Variants in DNAH6 observed in about 807,000 individuals in gnomAD.
DNAH6 encodes the protein dynein axonemal heavy chain 6.
In DNAH6, 340 loss-of-function variants were observed where a neutral mutation model predicts 491.4. The ratio of observed to expected loss-of-function variants is 0.69; its 90% confidence interval spans 0.63 to 0.76. The LOEUF (loss-of-function observed/expected upper bound fraction) is 0.76, where lower values mean the gene tolerates loss of function less well. DNAH6 is among the 30% of genes least tolerant of loss of function. The pLI is 0.00. For synonymous variants in DNAH6, 1,603 were observed against 1,686.1 expected, an observed-to-expected ratio of 0.95 and a Z score of 1.21; for missense variants, 4,443 against 4,972.2, an observed-to-expected ratio of 0.89 and a Z score of 3.20.
At chr2:84,525,809 T>A in intron 3 of DNAH6, 71 bp downstream of exon 3, 1 of 1,126,898 alleles carries the variant, frequency 8.9e-7, no homozygotes, top group Non-Finnish European at 1.3e-6. Context: ...TAGCATACTT[T>A]TAACTCATAA....
At chr2:84,812,835 G>A (rs1680123183) in intron 73 of DNAH6, among the ~76,000 whole-genome samples, 1 of 152,104 alleles carries the variant, frequency 6.6e-6, no homozygotes. Flanking sequence ...CTTTGCTGCT[G>A]TCTCCCTCTC....
chr2:84,660,951 T>C (rs561345556), intron 37 of DNAH6, among the ~76,000 whole-genome samples: 44 of 152,258 alleles, frequency 2.9e-4, no homozygotes, highest in Non-Finnish European at 5.3e-4. Context: ...GATCTTAGAC[T>C]TGGAAAAATA....
chr2:84,525,652 A>C lies in DNAH6; in HGVS notation c.313A>C (p.Lys105Gln), dbSNP rs1424867588. ...TCAGTTAATGACTGCAGGAATCATTAAACGTCCAGTAAGCATAGCAAAAAA... is the reference window on the plus strand; with the variant it reads ...TCAGTTAATGACTGCAGGAATCATTCAACGTCCAGTAAGCATAGCAAAAAA... ...RFQLMTAGIIKRPVSIAKKSF... is the reference protein window; with the variant it reads ...RFQLMTAGIIQRPVSIAKKSF... Residue 105 changes from lysine to glutamine, a missense_variant, in exon 3 of 77, where the codon AAA becomes CAA. Coordinates refer to ENST00000389394, the MANE Select transcript of DNAH6 (RefSeq NM_001370.2). 1 of 1,550,642 alleles carries C rather than the reference A, an allele frequency of 6.4e-7. No homozygotes were observed. The highest frequency in any genetic ancestry group is 2.4e-5 in the East Asian group (1 of 40,856).
intron 45 of DNAH6, among the ~76,000 whole-genome samples, chr2:84,691,878 C>T (rs1282842077): frequency 6.6e-6 from 1 of 152,162 alleles, no homozygotes; most frequent in Non-Finnish European, 1.5e-5. Flanking sequence ...GCCCACAGGC[C>T]ATAGTTTGCT....
At chr2:84,757,635 A>G (rs1674171866) in intron 63 of DNAH6, among the ~76,000 whole-genome samples, 2 of 152,258 alleles carry the variant, frequency 1.3e-5, no homozygotes, top group East Asian at 1.9e-4. Flanking sequence ...AGGAGTTACT[A>G]TGTTATCTTT....
intron 37 of DNAH6, among the ~76,000 whole-genome samples, chr2:84,660,891 A>T (rs1691438116): frequency 6.6e-6 from 1 of 152,172 alleles, no homozygotes; most frequent in East Asian, 1.9e-4. Context: ...TTCTCTGAAT[A>T]AAACAAGACT....
At chr2:84,474,823 C>T in the DNAH6 span, among the ~76,000 whole-genome samples, 1 of 152,214 alleles carries the variant, frequency 6.6e-6, no homozygotes, top group Non-Finnish European at 1.5e-5. Flanking sequence ...ATAATAGAGA[C>T]ATCAGCTCCA....
chr2:84,526,271 C>T (rs1211484636), intron 3 of DNAH6, among the ~76,000 whole-genome samples: 1 of 152,020 alleles, frequency 6.6e-6, no homozygotes, highest in Non-Finnish European at 1.5e-5. Context: ...GGCATACCTA[C>T]AGTAAAGATA....
chr2:84,538,833 G>A (rs1184990118), intron 4 of DNAH6, among the ~76,000 whole-genome samples: 1 of 151,954 alleles, frequency 6.6e-6, no homozygotes. Flanking sequence ...TTTTTAGGCA[G>A]CTTTTAAAAT....
At chr2:84,812,849 T>C (rs182858109) in intron 73 of DNAH6, among the ~76,000 whole-genome samples, 1 of 152,182 alleles carries the variant, frequency 6.6e-6, no homozygotes, top group African/African-American at 2.4e-5. Flanking sequence ...CCCTCTCACA[T>C]ACCCCACAAT....
chr2:84,770,307 A>T (rs533332070), intron 64 of DNAH6, among the ~76,000 whole-genome samples: 7 of 152,342 alleles, frequency 4.6e-5, no homozygotes, highest in Admixed American at 3.3e-4. Flanking sequence ...ACAACAAAAA[A>T]TACAAAGCAT....
At chr2:84,632,313 C>T (rs1688485905) in intron 29 of DNAH6, among the ~76,000 whole-genome samples, 1 of 152,160 alleles carries the variant, frequency 6.6e-6, no homozygotes, top group Admixed American at 6.5e-5. Context: ...GGCACGCGTT[C>T]ACCAAGTCAC....
chr2:84,510,687 TTC>T, the DNAH6 span, among the ~76,000 whole-genome samples: 1 of 151,830 alleles, frequency 6.6e-6, no homozygotes, highest in Admixed American at 6.6e-5. Context: ...GCTCTGTTTT[TTC>T]CCCATCTTTG....
At chr2:84,749,997 A>G (rs1374753135) in intron 63 of DNAH6, among the ~76,000 whole-genome samples, 1 of 152,198 alleles carries the variant, frequency 6.6e-6, no homozygotes, top group African/African-American at 2.4e-5. Context: ...AACTTAACAT[A>G]CTAAATATAC....
chr2:84,480,105 A>G, the DNAH6 span, among the ~76,000 whole-genome samples: 1 of 152,224 alleles, frequency 6.6e-6, no homozygotes, highest in Non-Finnish European at 1.5e-5. Flanking sequence ...CTATACAAAG[A>G]TGAGCCTTTA....
At chr2:84,605,688 G>T in intron 20 of DNAH6, 96 bp downstream of exon 20, 1 of 745,142 alleles carries the variant, frequency 1.3e-6, no homozygotes, top group East Asian at 2.9e-5. Flanking sequence ...AATAAAACAT[G>T]AGAGTCACTT....
In DNAH6 at chr2:84,672,498, T is replaced by G; in HGVS notation, c.6612+14T>G. On this transcript the variant is annotated intron_variant, in intron 40 of 76. Coordinates refer to ENST00000389394, the MANE Select transcript of DNAH6 (RefSeq NM_001370.2). The stretch of plus-strand genomic sequence containing the variant: ...AAAGAAATACAGGTTACTTTAGCTT[T>G]TAAATTACTTGGTGTGCTTAAATTT... 1 of 1,543,574 alleles carries G rather than the reference T, an allele frequency of 6.5e-7. No homozygotes were observed. The highest frequency in any genetic ancestry group is 2.5e-5 in the East Asian group (1 of 40,804).
chr2:84,463,219 A>C, the DNAH6 span, among the ~76,000 whole-genome samples: 1 of 152,192 alleles, frequency 6.6e-6, no homozygotes, highest in Non-Finnish European at 1.5e-5. Flanking sequence ...AACATACAGC[A>C]AGGGTGTGAA....
intron 29 of DNAH6, among the ~76,000 whole-genome samples, chr2:84,628,769 T>G (rs1688112440): frequency 6.6e-6 from 1 of 152,142 alleles, no homozygotes; most frequent in South Asian, 2.1e-4. Context: ...CGTCCTTTGA[T>G]TCAAGTCAAA....
Sources: allele counts gnomAD v4.1 joint callset (sites outside exome capture counted in the v4.1 genomes callset), GRCh38; gene constraint gnomAD v4.1.1; transcripts MANE v1.5; gene names NCBI Gene and HGNC (gene_info 2026-07-23, HGNC 2026-07-21).